Variants in LMBRD1 observed in about 807,000 individuals in gnomAD.
LMBRD1 encodes LMBR1 domain containing 1, also known as lysosomal cobalamin transport escort protein LMBD1.
A neutral mutation model predicts 74.8 loss-of-function variants in LMBRD1; 64 were observed. The ratio of observed to expected loss-of-function variants is 0.86; its 90% CI spans 0.70 to 1.05. The LOEUF (loss-of-function observed/expected upper bound fraction) is 1.05. Ranked by LOEUF, LMBRD1 falls within the 50% of genes least tolerant of loss-of-function variation. The probability of loss-of-function intolerance (pLI) is 0.00; values close to 1 mark genes in which losing one functional copy is unlikely to be tolerated. For synonymous variants in LMBRD1, 204 were observed against 216.3 expected (o/e 0.94, Z 0.50); for missense variants, 652 against 645.9 (o/e 1.01, Z -0.10).
intron 7 of LMBRD1, among the ~76,000 whole-genome samples, chr6:69,723,108 G>C (rs1373766948): frequency 6.6e-6 from 1 of 151,984 alleles, no homozygotes; most frequent in East Asian, 1.9e-4. Flanking sequence ...GTGATAAGGG[G>C]GTCAATTCAG....
At position 69,674,677 on chromosome 6, in the gene LMBRD1, A is replaced by C. The variant is rs1255236403; in HGVS notation, c.*1481T>G. Reference sequence around the variant, plus strand: ...CAAGGGTATGTGAGATTGTCCACAAAGAAAATGTAATATAAGGCCGAGCGT... The same window carrying C: ...CAAGGGTATGTGAGATTGTCCACAACGAAAATGTAATATAAGGCCGAGCGT... On this transcript the variant is annotated 3_prime_UTR_variant, in exon 16 of 16. Coordinates refer to ENST00000649934, the MANE Select transcript of LMBRD1 (RefSeq NM_018368.4). Among the ~76,000 whole-genome samples the C allele has an allele frequency of 1.3e-5, 2 of 152,214 alleles. No homozygotes were observed. Among genetic ancestry groups the C allele is most frequent in the African/African-American group, 2.4e-5 (1 of 41,468 alleles).
chr6:69,698,168 C>G (rs894521948), intron 13 of LMBRD1, among the ~76,000 whole-genome samples: 1 of 152,010 alleles, frequency 6.6e-6, no homozygotes, highest in Non-Finnish European at 1.5e-5. Flanking sequence ...AGTGCTTTAT[C>G]TGTTTCACCT....
intron 4 of LMBRD1, among the ~76,000 whole-genome samples, chr6:69,750,507 T>C (rs565862924): frequency 6.6e-6 from 1 of 152,172 alleles, no homozygotes; most frequent in Non-Finnish European, 1.5e-5. Flanking sequence ...CGGTCAGAAA[T>C]AACATTTGTC....
At chr6:69,703,851 T>C (rs1384043569) in intron 9 of LMBRD1, among the ~76,000 whole-genome samples, 1 of 152,142 alleles carries the variant, frequency 6.6e-6, no homozygotes, top group East Asian at 1.9e-4. Context: ...TGTTACCTTA[T>C]CATTCTCTTT....
At chr6:69,758,565 A>G (rs1765313680) in intron 3 of LMBRD1, among the ~76,000 whole-genome samples, 1 of 152,092 alleles carries the variant, frequency 6.6e-6, no homozygotes, top group Non-Finnish European at 1.5e-5. Flanking sequence ...CTAAGGATGG[A>G]GAGTAGAGAA....
chr6:69,705,328 C>T (rs957491475), intron 9 of LMBRD1: 26 of 760,866 alleles, frequency 3.4e-5, no homozygotes. Context: ...TGAATAGCCT[C>T]CTGGTCAGTC....
rs1298398350 is a variant in LMBRD1 at position 69,742,845 on chromosome 6, C to T, written c.474-968G>A. On this transcript the variant is annotated intron_variant, in intron 5 of 15. Coordinates refer to ENST00000649934, the MANE Select transcript of LMBRD1 (RefSeq NM_018368.4). ...CTATTTCCTGTTGCTACTGATAACT[C>T]TTATTTAAAAAATGACTGGGCACAG... Among the ~76,000 whole-genome samples the T allele has an allele frequency of 2.6e-5, 4 of 151,922 alleles. No homozygotes were observed. In the East Asian group the frequency reaches 5.8e-4, roughly 22 times the overall value.
intron 9 of LMBRD1, among the ~76,000 whole-genome samples, chr6:69,706,867 C>T (rs1262871488): frequency 1.3e-5 from 2 of 152,098 alleles, no homozygotes; most frequent in Non-Finnish European, 2.9e-5. Flanking sequence ...GACACACCAC[C>T]ACAAACTTAG....
intron 2 of LMBRD1, among the ~76,000 whole-genome samples, chr6:69,787,359 A>C (rs1447779293): frequency 2.6e-5 from 4 of 152,230 alleles, no homozygotes; most frequent in Admixed American, 6.5e-5. Context: ...ACAGACACAC[A>C]GAATGTTTCA....
At chr6:69,758,246 A>T (rs938104832) in intron 3 of LMBRD1, among the ~76,000 whole-genome samples, 2 of 152,200 alleles carry the variant, frequency 1.3e-5, no homozygotes, top group African/African-American at 4.8e-5. Context: ...ACATCAAAAC[A>T]CAATGACAAA....
rs770654585 is a variant in LMBRD1 at position 69,699,200 on chromosome 6, G to A, written c.1189-8C>T. The A allele has an allele frequency of 1.9e-6, 3 of 1,609,558 alleles. No individual in the cohort carries two copies. In the South Asian group the frequency reaches 3.3e-5, roughly 18 times the overall value. ...TCTTCTGATTTTATATAACTGGAAA[G>A]AAAAGAGTGACAAAATTTCAGCAAT... On this transcript the variant is annotated splice_polypyrimidine_tract_variant and splice_region_variant and intron_variant, in intron 12 of 15. Coordinates refer to ENST00000649934, the MANE Select transcript of LMBRD1 (RefSeq NM_018368.4).
intron 9 of LMBRD1, among the ~76,000 whole-genome samples, chr6:69,708,111 A>G (rs1166892025): frequency 6.6e-6 from 1 of 152,162 alleles, no homozygotes; most frequent in African/African-American, 2.4e-5. Context: ...TCTAGAAGTT[A>G]CCCAGGCCAA....
intron 3 of LMBRD1, among the ~76,000 whole-genome samples, chr6:69,770,346 T>C (rs1466735096): frequency 6.6e-6 from 1 of 152,160 alleles, no homozygotes; most frequent in Non-Finnish European, 1.5e-5. Flanking sequence ...TAGGCTAAAA[T>C]ACAAGAAACT....
chr6:69,751,292 G>A (rs1049439224), intron 4 of LMBRD1, among the ~76,000 whole-genome samples: 1 of 150,590 alleles, frequency 6.6e-6, no homozygotes, highest in Non-Finnish European at 1.5e-5. Context: ...GAACATGGAT[G>A]TGTGCTGTAT....
At chr6:69,753,469 C>T (rs537845795) in intron 3 of LMBRD1, among the ~76,000 whole-genome samples, 1 of 152,260 alleles carries the variant, frequency 6.6e-6, no homozygotes, top group African/African-American at 2.4e-5. Flanking sequence ...GGAACTGGAA[C>T]CCTGTGTGCT....
Position 69,702,056 on chromosome 6 carries a change from T to C in LMBRD1, c.916-103A>G, listed in dbSNP as rs1766144581. 3 of 726,404 alleles carry C rather than the reference T, an allele frequency of 4.1e-6. No individual in the cohort carries two copies. The South Asian group carries it at 4.7e-5, about 11-fold the overall frequency. 45.0% of individuals were successfully genotyped at this position (726,404 alleles called of 1,614,324 possible). A position where few individuals can be genotyped will look rare whatever the true frequency, so the allele number is the denominator to read the frequency against. On this transcript the variant is annotated intron_variant, in intron 9 of 15. Transcript: ENST00000649934. ...GAGTTGCTAGAATATGACAATGATC[T>C]AACAAAAACAATCTAAGATACATTT...
At chr6:69,772,875 C>A (rs1453211097) in intron 3 of LMBRD1, among the ~76,000 whole-genome samples, 2 of 152,140 alleles carry the variant, frequency 1.3e-5, no homozygotes, top group Non-Finnish European at 2.9e-5. Context: ...TATATCATTG[C>A]ACTAACAGAG....
At chr6:69,733,175 T>A (rs1279241527) in intron 7 of LMBRD1, among the ~76,000 whole-genome samples, 1 of 152,164 alleles carries the variant, frequency 6.6e-6, no homozygotes, top group East Asian at 1.9e-4. Flanking sequence ...ACAAATTCCA[T>A]AACAAACATG....
rs112532528 is a variant in LMBRD1, at chr6:69,721,475, C to T, written c.637-2394G>A. 8.4e-3 allele frequency among the ~76,000 whole-genome samples: 1,286 copies of T among 152,232 alleles called. 11 individuals carry two copies. Among genetic ancestry groups the T allele is most frequent in the Middle Eastern group, 0.017 (5 of 294 alleles). Reference sequence around the variant, plus strand: ...CTCACAGATGACATTTCTAGACACACCTTGGACCAAAAGTGGATCTGCTGC... The same window carrying T: ...CTCACAGATGACATTTCTAGACACATCTTGGACCAAAAGTGGATCTGCTGC... On this transcript the variant is annotated intron_variant, in intron 7 of 15. Coordinates refer to ENST00000649934, the MANE Select transcript of LMBRD1 (RefSeq NM_018368.4).
Sources: allele counts gnomAD v4.1 joint callset (sites outside exome capture counted in the v4.1 genomes callset), GRCh38; gene constraint gnomAD v4.1.1; transcripts MANE v1.5; gene names NCBI Gene and HGNC (gene_info 2026-07-23, HGNC 2026-07-21).